Variants in FYB2 observed in about 807,000 individuals in gnomAD.
FYB2 encodes FYN binding protein 2.
A neutral mutation model predicts 94.1 loss-of-function variants in FYB2; 103 were observed. That is an observed-to-expected ratio of 1.09 (90% CI 0.93 to 1.29). The LOEUF (loss-of-function observed/expected upper bound fraction) is 1.29, where lower values mean the gene tolerates loss of function less well. Among genes scored for constraint, FYB2 ranks in the 50% most tolerant of loss-of-function variants. The pLI, the probability that FYB2 is intolerant of heterozygous loss-of-function variation, is 0.00. For synonymous variants in FYB2, 293 were observed against 287.9 expected (o/e 1.02, Z -0.18); for missense variants, 896 against 841.5 (o/e 1.06, Z -0.80).
At chr1:56,821,021 G>A (rs190868332), upstream of FYB2, among the ~76,000 whole-genome samples, 800 of 151,858 alleles carry the variant, frequency 5.3e-3, 4 homozygotes, top group African/African-American at 0.018. Context: ...CAGTTGGGGG[G>A]CCTATTTCTG....
chr1:56,743,708 T>C (rs958478274), intron 11 of FYB2, among the ~76,000 whole-genome samples: 5 of 151,982 alleles, frequency 3.3e-5, no homozygotes, highest in Admixed American at 6.6e-5. Context: ...CTTAAAAGTA[T>C]TGGAAAGCCA....
intron 1 of FYB2, among the ~76,000 whole-genome samples, chr1:56,817,960 T>G (rs1646920881): frequency 6.6e-6 from 1 of 152,184 alleles, no homozygotes; most frequent in African/African-American, 2.4e-5. Flanking sequence ...GTGATAACAT[T>G]GTCAGTTACC....
intron 15 of FYB2, among the ~76,000 whole-genome samples, chr1:56,729,916 C>A (rs2100528968): frequency 6.6e-6 from 1 of 152,182 alleles, no homozygotes; most frequent in East Asian, 1.9e-4. Context: ...AATTAAACAA[C>A]ATGCTCCTGA....
intron 1 of FYB2, among the ~76,000 whole-genome samples, chr1:56,817,321 G>C (rs1440549029): frequency 6.6e-6 from 1 of 152,148 alleles, no homozygotes; most frequent in Non-Finnish European, 1.5e-5. Context: ...TCTTCTCTAA[G>C]ATATCCACAC....
intron 1 of FYB2, among the ~76,000 whole-genome samples, chr1:56,802,264 T>C (rs1646539723): frequency 1.3e-5 from 2 of 152,222 alleles, no homozygotes; most frequent in South Asian, 4.1e-4. Context: ...AACCTCATCT[T>C]TTTCAATACA....
intron 1 of FYB2, among the ~76,000 whole-genome samples, chr1:56,817,784 G>A (rs1385213736): frequency 1.3e-5 from 2 of 152,124 alleles, no homozygotes; most frequent in Admixed American, 1.3e-4. Flanking sequence ...CCATAAAAAT[G>A]TGATTAGCTA....
In FYB2 at chr1:56,737,248, C is replaced by T. The variant is rs1569910586; in HGVS notation, c.1733-101G>A. The T allele has an allele frequency of 4.9e-6, 4 of 822,620 alleles. No homozygotes were observed. The East Asian group carries it at 1.1e-4, about 23-fold the overall frequency. 51.0% of individuals were successfully genotyped at this position (822,620 alleles called of 1,614,324 possible). A position where few individuals can be genotyped will look rare whatever the true frequency, so the allele number is the denominator to read the frequency against. On this transcript the variant is annotated intron_variant, in intron 14 of 19. Coordinates refer to ENST00000343433, the MANE Select transcript of FYB2 (RefSeq NM_001004303.5). ...CAATTACCTAATTATCCAGGTGCAT[C>T]TTCAGGTCTGTTTTAGCAAAATCTG... is the stretch of plus-strand genomic sequence containing the variant.
chr1:56,727,851 T>C (rs1180001040), intron 15 of FYB2, among the ~76,000 whole-genome samples: 1 of 152,130 alleles, frequency 6.6e-6, no homozygotes, highest in Non-Finnish European at 1.5e-5. Context: ...AATGATTTTT[T>C]AAGAAAAAGA....
At chr1:56,821,495 C>T (rs182653331), upstream of FYB2, among the ~76,000 whole-genome samples, 1 of 152,292 alleles carries the variant, frequency 6.6e-6, no homozygotes, top group Admixed American at 6.5e-5. Flanking sequence ...AGCTGCTGGT[C>T]TTGGGAAAGT....
chr1:56,812,931 C>T (rs1462460646), intron 1 of FYB2, among the ~76,000 whole-genome samples: 3 of 152,186 alleles, frequency 2.0e-5, no homozygotes, highest in Admixed American at 6.5e-5. Context: ...GTGGCTTCAA[C>T]AAGAGAAATG....
chr1:56,741,592 C>T (rs142551250), intron 12 of FYB2, among the ~76,000 whole-genome samples: 3 of 151,904 alleles, frequency 2.0e-5, no homozygotes, highest in African/African-American at 7.3e-5. Flanking sequence ...CCCCTTGAAC[C>T]CTTAAACTCC....
At position 56,792,122 on chromosome 1, in the gene FYB2, CA is replaced by C; in HGVS notation, c.690del (p.Glu231ArgfsTer58). The C allele has an allele frequency of 6.2e-7, 1 of 1,613,342 alleles. No individual in the cohort carries two copies. Among genetic ancestry groups the C allele is most frequent in the South Asian group, 1.1e-5 (1 of 90,874 alleles). On this transcript the variant is annotated frameshift_variant, in exon 2 of 20. Coordinates refer to ENST00000343433, the MANE Select transcript of FYB2 (RefSeq NM_001004303.5). LOFTEE classifies it high-confidence loss of function. ...HIRKSWENPP[P>X]ERSPASSPCQ... Reference sequence around the variant, plus strand: ...CAGGGGCTGCTTGCCGGGCTCCTCTCAGGAGGTGGGTTTTCCCAGCTTTTTC... The same window carrying C: ...CAGGGGCTGCTTGCCGGGCTCCTCTCGGAGGTGGGTTTTCCCAGCTTTTTC...
rs748066295 is a variant in FYB2 at position 56,767,846 on chromosome 1, G to T, written c.1046C>A (p.Ala349Glu). 6.2e-7 allele frequency: 1 copy of T among 1,606,858 alleles called. No homozygotes were observed. Among genetic ancestry groups the T allele is most frequent in the Non-Finnish European group, 8.5e-7 (1 of 1,174,940 alleles). The change falls in exon 5 of 20, where the codon GCA becomes GAA. Residue 349 changes from alanine (A) to glutamate (E), a missense_variant. By Grantham distance (107) the Ala-to-Glu change is moderately radical. Transcript: ENST00000343433. ...AGACTTACGATCAGCAATTTCTTTT[G>T]CAGTGCACAGGTTAATGGAGTTGCC... The part of the protein sequence containing the change: ...HSGNSINLCT[A>E]KEIADPTYEV...
rs763450369 is a variant in FYB2, at chr1:56,719,980, A to G, written c.2165+42T>C. On this transcript the variant is annotated intron_variant, in intron 19 of 19. Coordinates refer to ENST00000343433, the MANE Select transcript of FYB2 (RefSeq NM_001004303.5). Reference sequence around the variant, plus strand: ...TTGAGACTAATGTATACAACAATGTATTAGGAACTCATGATTTAAAGTATA... The same window carrying G: ...TTGAGACTAATGTATACAACAATGTGTTAGGAACTCATGATTTAAAGTATA... The G allele has an allele frequency of 1.4e-5, 22 of 1,532,962 alleles. No individual in the cohort carries two copies. In the Admixed American group the frequency reaches 4.0e-4, roughly 28 times the overall value. The allele number at this position is 1,532,962 out of a possible 1,614,324, so 95.0% of individuals were successfully genotyped here.
chr1:56,797,633 G>T (rs1646429949), intron 1 of FYB2, among the ~76,000 whole-genome samples: 1 of 152,168 alleles, frequency 6.6e-6, no homozygotes. Flanking sequence ...TGTGGCAGAG[G>T]TTCCTGTGCT....
intron 1 of FYB2, among the ~76,000 whole-genome samples, chr1:56,807,508 T>G (rs1006897698): frequency 2.0e-5 from 3 of 152,224 alleles, no homozygotes; most frequent in Non-Finnish European, 2.9e-5. Flanking sequence ...TTTCCAATAC[T>G]AGCAATGGAA....
intron 15 of FYB2, among the ~76,000 whole-genome samples, chr1:56,729,273 C>A (rs1260080302): frequency 6.6e-6 from 1 of 152,020 alleles, no homozygotes; most frequent in Non-Finnish European, 1.5e-5. Context: ...TTGTAGTAAT[C>A]TGGTTGAGAA....
At chr1:56,765,074 T>C (rs973446294) in intron 5 of FYB2, among the ~76,000 whole-genome samples, 2 of 152,188 alleles carry the variant, frequency 1.3e-5, no homozygotes, top group African/African-American at 4.8e-5. Context: ...TTCATAACAA[T>C]ACCCAAGTGA....
Position 56,811,929 on chromosome 1 carries a change from A to ATT in FYB2, c.9+7351_9+7352dup, listed in dbSNP as rs35064660. Among the ~76,000 whole-genome samples, 78 of 150,766 alleles carry ATT rather than the reference A, an allele frequency of 5.2e-4. 1 individual carries two copies. The highest frequency in any genetic ancestry group is 7.5e-4 in the Non-Finnish European group (51 of 67,698). On this transcript the variant is annotated intron_variant, in intron 1 of 19. Coordinates refer to ENST00000343433, the MANE Select transcript of FYB2 (RefSeq NM_001004303.5). ...CAGTTGTTAAAAACCTTTCCTAACC[A>ATT]TTTTTTTTTCCTTTTTCTTTCTTGC...
Sources: gnomAD v4.1 joint callset for allele counts (sites outside exome capture counted in the v4.1 genomes callset) on GRCh38, gnomAD v4.1.1 for gene constraint, MANE v1.5 for transcripts, NCBI Gene and HGNC (gene_info 2026-07-23, HGNC 2026-07-21) for gene names.